Variants in UTP6 observed in about 807,000 individuals in gnomAD.
UTP6 encodes the protein U3 small nucleolar RNA-associated protein 6 homolog.
In UTP6, 60 loss-of-function variants were observed where a neutral mutation model predicts 96.5. That is an observed-to-expected ratio of 0.62 (90% CI 0.51 to 0.77). UTP6 has a LOEUF of 0.77. Ranked by LOEUF, UTP6 falls within the 30% of genes least tolerant of loss-of-function variation. The pLI, the probability that UTP6 is intolerant of heterozygous loss-of-function variation, is 0.00. For synonymous variants in UTP6, 215 were observed against 240.1 expected (o/e 0.90, Z 0.96); for missense variants, 637 against 706.5 (o/e 0.90, Z 1.12).
chr17:31,878,831 C>A, intron 11 of UTP6, 50 bp from the exon 12 acceptor site: 1 of 1,519,420 alleles, frequency 6.6e-7, no homozygotes, highest in African/African-American at 1.4e-5. Flanking sequence ...GTTCAACATT[C>A]ATCACATCAA....
intron 10 of UTP6, among the ~76,000 whole-genome samples, chr17:31,882,933 A>G (rs1277751081): frequency 6.6e-6 from 1 of 152,112 alleles, no homozygotes; most frequent in East Asian, 1.9e-4. Context: ...CTACAGGCAC[A>G]TGTCACCATA....
Position 31,875,411 on chromosome 17 carries a change from ACT to A in UTP6, c.1126_1127del (p.Ser376CysfsTer7). The A allele has an allele frequency of 6.2e-7, 1 of 1,612,306 alleles. No individual in the cohort carries two copies. Among genetic ancestry groups the A allele is most frequent in the Non-Finnish European group, 8.5e-7 (1 of 1,178,942 alleles). On this transcript the variant is annotated frameshift_variant and splice_region_variant, in exon 14 of 19. Coordinates refer to ENST00000261708, the MANE Select transcript of UTP6 (RefSeq NM_018428.3). LOFTEE classifies it high-confidence loss of function. ...GGAAGTTATAACACAGCAACGAAAC[ACT>A]CTAGACAAGATGAAGGATGACTGGA... Reference protein sequence around the residue: ...LLSECQYKQLSVSLLCYNFLR... With the variant: ...LLSECQYKQLXVSLLCYNFLR...
rs773649577 is a variant in UTP6 at position 31,863,148 on chromosome 17, C to CA, written c.*210dup. The CA allele has an allele frequency of 8.6e-5, 46 of 532,444 alleles. No individual in the cohort carries two copies. Among genetic ancestry groups the CA allele is most frequent in the Non-Finnish European group, 1.4e-4 (42 of 304,936 alleles). 33.0% of individuals were successfully genotyped at this position (532,444 alleles called of 1,614,324 possible). A position where few individuals can be genotyped will look rare whatever the true frequency, so the allele number is the denominator to read the frequency against. On this transcript the variant is annotated 3_prime_UTR_variant, in exon 19 of 19. Transcript: ENST00000261708. ...TTGAGTCCAGGAGTTCAAGACCAGCCAGGGCAACAGAGCAAGACCCAGTCT... is the reference window on the plus strand; with the variant it reads ...TTGAGTCCAGGAGTTCAAGACCAGCCAAGGGCAACAGAGCAAGACCCAGTCT...
intron 3 of UTP6, 109 bp downstream of exon 3, chr17:31,894,861 A>G (rs1008507859): frequency 1.6e-6 from 2 of 1,268,716 alleles, no homozygotes; most frequent in Non-Finnish European, 2.3e-6. Flanking sequence ...CATTATAGGC[A>G]TATCACCACA....
intron 13 of UTP6, 118 bp downstream of exon 13, chr17:31,878,132 C>G: frequency 1.1e-6 from 1 of 936,192 alleles, no homozygotes; most frequent in Non-Finnish European, 1.6e-6. Flanking sequence ...ACTTCACATA[C>G]CGAACTCCCA....
intron 16 of UTP6, among the ~76,000 whole-genome samples, chr17:31,871,642 C>T (rs1360911561): frequency 6.6e-6 from 1 of 152,022 alleles, no homozygotes; most frequent in African/African-American, 2.4e-5. Flanking sequence ...GCCTGTAATC[C>T]CAGCATTTTG....
At position 31,893,198 on chromosome 17, in the gene UTP6, G is replaced by A. The variant is rs138963210; in HGVS notation, c.313-404C>T. On this transcript the variant is annotated intron_variant, in intron 4 of 18. Transcript: ENST00000261708. ...TGAGACAGGAGAATCGCTTGAAGCCGGGAGGCCGAGATCGGGCCACTGCAC... is the reference window on the plus strand; with the variant it reads ...TGAGACAGGAGAATCGCTTGAAGCCAGGAGGCCGAGATCGGGCCACTGCAC... 4.6e-5 allele frequency among the ~76,000 whole-genome samples: 7 copies of A among 152,118 alleles called. No individual in the cohort carries two copies. The East Asian group carries it at 1.2e-3, about 25-fold the overall frequency.
At chr17:31,898,924 G>T (rs375630658) in intron 2 of UTP6, among the ~76,000 whole-genome samples, 1 of 151,850 alleles carries the variant, frequency 6.6e-6, no homozygotes, top group Non-Finnish European at 1.5e-5. Context: ...CCCAGTTACT[G>T]AGGAGGATGA....
chr17:31,884,765 T>C (rs2142310533), intron 9 of UTP6: 2 of 345,740 alleles, frequency 5.8e-6, no homozygotes, highest in South Asian at 7.9e-5. Context: ...CCATGAGAAC[T>C]TACTGAGGAT....
chr17:31,868,237 A>T, intron 16 of UTP6, 125 bp from the exon 17 acceptor site: 1 of 765,870 alleles, frequency 1.3e-6, no homozygotes, highest in Admixed American at 3.0e-5. Context: ...CTTCAAATCA[A>T]TGCAAGGACT....
At chr17:31,900,504 C>A (rs554609611) in intron 1 of UTP6, among the ~76,000 whole-genome samples, 63 of 152,164 alleles carry the variant, frequency 4.1e-4, no homozygotes, top group African/African-American at 1.2e-3. Context: ...ATTGGCCAGG[C>A]TGGTCTCGAA....
Position 31,873,603 on chromosome 17 carries a change from C to A in UTP6, c.1386+70G>T. Reference sequence around the variant, plus strand: ...TAGTGCTTTAGGCGCACCTGCAACACTAGAGCTGACCAACCAGGGAACCTT... The same window carrying A: ...TAGTGCTTTAGGCGCACCTGCAACAATAGAGCTGACCAACCAGGGAACCTT... On this transcript the variant is annotated intron_variant, in intron 15 of 18. Coordinates refer to ENST00000261708, the MANE Select transcript of UTP6 (RefSeq NM_018428.3). 3 of 1,610,780 alleles carry A rather than the reference C, an allele frequency of 1.9e-6. No individual in the cohort carries two copies. In the South Asian group the frequency reaches 3.3e-5, roughly 18 times the overall value.
intron 13 of UTP6, 96 bp from the exon 14 acceptor site, chr17:31,875,509 C>T: frequency 1.5e-6 from 2 of 1,354,394 alleles, no homozygotes; most frequent in Non-Finnish European, 2.0e-6. Flanking sequence ...AAGAATTTCA[C>T]CAACCTTTCC....
chr17:31,896,644 A>C (rs115438730), intron 2 of UTP6, among the ~76,000 whole-genome samples: 56 of 145,780 alleles, frequency 3.8e-4, no homozygotes, highest in Middle Eastern at 3.5e-3. Flanking sequence ...ACAGAAAAAA[A>C]TTTTTTTTTT....
rs1193419783 is a variant in UTP6 at position 31,873,059 on chromosome 17, T to A, written c.1496+319A>T. On this transcript the variant is annotated intron_variant, in intron 16 of 18. Coordinates refer to ENST00000261708, the MANE Select transcript of UTP6 (RefSeq NM_018428.3). Reference sequence around the variant, plus strand: ...TGAGGTTAGGAGTTTGAGACCAGCCTGGCCAACATGGTGAAACCTTGTCTT... The same window carrying A: ...TGAGGTTAGGAGTTTGAGACCAGCCAGGCCAACATGGTGAAACCTTGTCTT... 9 of 253,968 alleles carry A rather than the reference T, an allele frequency of 3.5e-5. No individual in the cohort carries two copies. The Admixed American group carries it at 4.7e-4, about 13-fold the overall frequency. 15.7% of individuals were successfully genotyped at this position (253,968 alleles called of 1,614,324 possible). A position where few individuals can be genotyped will look rare whatever the true frequency, so the allele number is the denominator to read the frequency against.
At position 31,873,337 on chromosome 17, in the gene UTP6, G is replaced by T. The variant is rs758473848; in HGVS notation, c.1496+41C>A. The T allele has an allele frequency of 4.0e-5, 63 of 1,579,626 alleles. No homozygotes were observed. The Admixed American group carries it at 1.0e-3, about 26-fold the overall frequency. On this transcript the variant is annotated intron_variant, in intron 16 of 18. Transcript: ENST00000261708. ...ATCTGGGTATGAGCGGCTGAGCATG[G>T]GGTAGAGGGACTAGTAACAACTATG...
intron 5 of UTP6, 66 bp from the exon 6 acceptor site, chr17:31,892,389 T>C (rs770723824): frequency 4.1e-6 from 6 of 1,474,014 alleles, no homozygotes; most frequent in African/African-American, 1.4e-5. Flanking sequence ...CTCTAAGTAA[T>C]ATGTACCCTA....
chr17:31,884,846 G>A (rs1224390059), intron 9 of UTP6: 3 of 194,588 alleles, frequency 1.5e-5, no homozygotes, highest in Non-Finnish European at 3.2e-5. Context: ...TTGAGCTCAG[G>A]AGTTCAAGAC....
rs563350512 is a variant in UTP6, at chr17:31,893,467, C to T, written c.313-673G>A. ...AAAAAAAAAGCCAGGCACAATGGCT[C>T]AGGCCTGTAATCCCAGCACTTTTGG... is the stretch of plus-strand genomic sequence containing the variant. On this transcript the variant is annotated intron_variant, in intron 4 of 18. Coordinates refer to ENST00000261708, the MANE Select transcript of UTP6 (RefSeq NM_018428.3). 2.7e-5 allele frequency among the ~76,000 whole-genome samples: 4 copies of T among 149,106 alleles called. No individual in the cohort carries two copies. In the South Asian group the frequency reaches 8.5e-4, roughly 32 times the overall value.
Sources: gnomAD v4.1 joint callset for allele counts (sites outside exome capture counted in the v4.1 genomes callset) on GRCh38, gnomAD v4.1.1 for gene constraint, MANE v1.5 for transcripts, NCBI Gene and HGNC (gene_info 2026-07-23, HGNC 2026-07-21) for gene names.